Variants in PLCG2 observed in about 807,000 individuals in gnomAD.
PLCG2 encodes the protein phospholipase C gamma 2, also known as 1-phosphatidylinositol 4,5-bisphosphate phosphodiesterase gamma-2.
PLCG2 carries 69 observed loss-of-function variants against 175.6 expected under a neutral mutation model. The ratio of observed to expected loss-of-function variants is 0.39; its 90% confidence interval spans 0.32 to 0.48. PLCG2 has a LOEUF of 0.48. Among genes scored for constraint, PLCG2 ranks in the 20% least tolerant of loss-of-function variants. The pLI is 0.91. For synonymous variants in PLCG2, 827 were observed against 624.0 expected (o/e 1.33, Z -4.85); for missense variants, 1,798 against 1,650.9 (o/e 1.09, Z -1.54).
chr16:81,834,405 A>T (rs1474646890), intron 2 of PLCG2, among the ~76,000 whole-genome samples: 4 of 152,042 alleles, frequency 2.6e-5, no homozygotes, highest in Non-Finnish European at 5.9e-5. Context: ...GGTGTTGGAG[A>T]ACTCTGGGCC....
intron 19 of PLCG2, among the ~76,000 whole-genome samples, chr16:81,912,972 T>G (rs973993358): frequency 6.6e-6 from 1 of 152,216 alleles, no homozygotes; most frequent in Non-Finnish European, 1.5e-5. Flanking sequence ...GGGGTTGACA[T>G]GACCATGATC....
rs1911849707 is a variant in PLCG2 at position 81,803,598 on chromosome 16, C to CTTTT, written c.193+17416_193+17417insTTTT. On this transcript the variant is annotated intron_variant, in intron 2 of 32. Transcript: ENST00000564138. ...TTTCCTTTCCTTTCTTTTCTTTTCTCCTTTTCTTTTCTTTTCTTTTCCTTT... is the reference window on the plus strand; with the variant it reads ...TTTCCTTTCCTTTCTTTTCTTTTCTCTTTTCTTTTCTTTTCTTTTCTTTTCCTTT... Among the ~76,000 whole-genome samples the CTTTT allele has an allele frequency of 6.3e-4, 38 of 60,142 alleles. No individual in the cohort carries two copies. The South Asian group carries it at 0.018, about 28-fold the overall frequency. The allele number at this position is 60,142 out of a possible 152,430, so 39.5% of individuals were successfully genotyped here.
chr16:81,875,045 C>A (rs1279089889), intron 7 of PLCG2, among the ~76,000 whole-genome samples: 2 of 146,976 alleles, frequency 1.4e-5, no homozygotes, highest in African/African-American at 5.1e-5. Context: ...TTCACTGCAA[C>A]CTCTTCCTTC....
At chr16:81,916,645 AT>A (rs995206945) in intron 19 of PLCG2, among the ~76,000 whole-genome samples, 22 of 149,024 alleles carry the variant, frequency 1.5e-4, no homozygotes, top group Non-Finnish European at 1.9e-4. Flanking sequence ...TACAGGACAT[AT>A]TTTTTTTTTG....
At position 81,959,037 on chromosome 16, in the gene PLCG2, G is replaced by C. The variant is rs1434287676; in HGVS notation, c.*1039G>C. On this transcript the variant is annotated 3_prime_UTR_variant, in exon 33 of 33. Coordinates refer to ENST00000564138, the MANE Select transcript of PLCG2 (RefSeq NM_002661.5). ...ATGACAGTATGTGCGGCTGGCCAGG[G>C]CTTTACACCTCTGCATCTTAAGTTG... is the stretch of plus-strand genomic sequence containing the variant. 4.5e-6 allele frequency: 1 copy of C among 223,134 alleles called. No homozygotes were observed. The highest frequency in any genetic ancestry group is 2.2e-5 in the African/African-American group (1 of 44,776). The allele number at this position is 223,134 out of a possible 1,614,324, so 13.8% of individuals were successfully genotyped here.
chr16:81,755,933 A>T (rs1310307549), exon 2 of PLCG2: 1 of 152,382 alleles, frequency 6.6e-6, no homozygotes, highest in African/African-American at 2.4e-5. Context: ...CACGAAGTCC[A>T]TCTGGAAGAC....
intron 2 of PLCG2, among the ~76,000 whole-genome samples, chr16:81,812,174 T>C (rs1433561254): frequency 6.6e-6 from 1 of 151,572 alleles, no homozygotes; most frequent in African/African-American, 2.4e-5. Flanking sequence ...CTCAGCCTCC[T>C]GAGTAGCTGG....
At chr16:81,805,655 A>T (rs1276547319) in intron 2 of PLCG2, among the ~76,000 whole-genome samples, 1 of 151,620 alleles carries the variant, frequency 6.6e-6, no homozygotes, top group African/African-American at 2.4e-5. Context: ...ATGCTTTGCC[A>T]TCCATGTCTC....
intron 5 of PLCG2, among the ~76,000 whole-genome samples, chr16:81,860,172 A>ATTTT (rs1555513300): frequency 0.041 from 4,984 of 120,386 alleles, 157 homozygotes; most frequent in South Asian, 0.068. Flanking sequence ...TATTATTATT[A>ATTTT]TTTTTTTTTT....
chr16:81,787,954 T>C (rs1397628682), intron 2 of PLCG2, among the ~76,000 whole-genome samples: 2 of 152,258 alleles, frequency 1.3e-5, no homozygotes, highest in African/African-American at 4.8e-5. Context: ...TTCCACAGTT[T>C]ATTCAGTCAT....
chr16:81,917,455 T>G (rs1018036280), intron 19 of PLCG2, among the ~76,000 whole-genome samples: 4 of 152,152 alleles, frequency 2.6e-5, no homozygotes, highest in African/African-American at 9.7e-5. Context: ...TTTTTAATTT[T>G]TTGAGGAACC....
At chr16:81,773,960 G>A (rs1200403415) in intron 2 of PLCG2, among the ~76,000 whole-genome samples, 1 of 151,782 alleles carries the variant, frequency 6.6e-6, no homozygotes, top group Non-Finnish European at 1.5e-5. Flanking sequence ...GGAGTGCCTG[G>A]CCCCTTGCAG....
chr16:81,791,040 C>T (rs1240619350), intron 2 of PLCG2, among the ~76,000 whole-genome samples: 1 of 152,242 alleles, frequency 6.6e-6, no homozygotes, highest in African/African-American at 2.4e-5. Context: ...TTGCTCTGAA[C>T]CCTGTTTGGA....
Position 81,931,630 on chromosome 16 carries a change from G to A in PLCG2, c.2715G>A (p.Glu905=), listed in dbSNP as rs1910507321. The change falls in exon 25 of 33, where the codon GAG becomes GAA. Residue 905 remains glutamate (E), a synonymous_variant. Transcript: ENST00000564138. ...TTGAGTGGTTTCAGAGCATCCGAGA[G>A]ATCACCTGGAAGATTGACACCAAGG... ...ELFEWFQSIR[E]ITWKIDTKEN... is the part of the protein sequence containing the mutation. 6.2e-7 allele frequency: 1 copy of A among 1,613,822 alleles called. No homozygotes were observed.
At chr16:81,897,173 C>T (rs1414574784) in intron 13 of PLCG2, among the ~76,000 whole-genome samples, 1 of 152,246 alleles carries the variant, frequency 6.6e-6, no homozygotes, top group South Asian at 2.1e-4. Flanking sequence ...CAGAGGCCAT[C>T]ATATGCCGAC....
intron 2 of PLCG2, among the ~76,000 whole-genome samples, chr16:81,831,756 G>T (rs189555265): frequency 2.9e-4 from 44 of 152,242 alleles, no homozygotes; most frequent in African/African-American, 1.1e-3. Context: ...CCCCGCTCTT[G>T]CCCCAATCCT....
intron 1 of PLCG2, chr16:81,785,701 A>G: frequency 3.5e-6 from 1 of 287,300 alleles, no homozygotes; most frequent in South Asian, 4.7e-5. Context: ...TTGGTTATTC[A>G]AAGCCCACGT....
intron 1 of PLCG2, among the ~76,000 whole-genome samples, chr16:81,784,851 A>G (rs1392041283): frequency 6.6e-6 from 1 of 151,886 alleles, no homozygotes; most frequent in African/African-American, 2.4e-5. Flanking sequence ...GGGCCTGGGG[A>G]GCGCCTTCAC....
intron 2 of PLCG2, among the ~76,000 whole-genome samples, chr16:81,840,756 G>A (rs1718293874): frequency 6.6e-6 from 1 of 152,196 alleles, no homozygotes; most frequent in South Asian, 2.1e-4. Flanking sequence ...CCACAGACAG[G>A]TGCCAGTTCA....
Sources: gnomAD v4.1 joint callset for allele counts (sites outside exome capture counted in the v4.1 genomes callset) on GRCh38, gnomAD v4.1.1 for gene constraint, MANE v1.5 for transcripts, NCBI Gene and HGNC (gene_info 2026-07-23, HGNC 2026-07-21) for gene names.